The following CPZ variants were observed in gnomAD, a reference collection of about 807,000 sequenced individuals.
CPZ encodes VEZT/CPZ fusion.
In CPZ, 103 loss-of-function variants were observed where a neutral mutation model predicts 61.8. That is an observed-to-expected ratio of 1.67 (90% CI 1.42 to 1.96). The LOEUF is 1.96. Among genes scored for constraint, CPZ ranks in the 30% most tolerant of loss-of-function variants. CPZ has a pLI of 0.00. For missense variants in CPZ, 1,461 were observed against 914.9 expected, an observed-to-expected ratio of 1.60 and a Z score of -7.70; for synonymous variants, 551 against 373.7, an observed-to-expected ratio of 1.47 and a Z score of -5.47.
At chr4:8,592,943 AC>A (rs1560286486) in intron 1 of CPZ, 22 bp downstream of exon 1, 2 of 1,466,250 alleles carry the variant, frequency 1.4e-6, no homozygotes, top group East Asian at 2.5e-5. Context: ...CCCTGCCCCC[AC>A]CCTCCACCCT....
chr4:8,614,626 G>C, intron 9 of CPZ, 128 bp downstream of exon 9: 1 of 981,342 alleles, frequency 1.0e-6, no homozygotes, highest in Non-Finnish European at 1.5e-6. Flanking sequence ...GCCACCACTT[G>C]TTTTGGGGTT....
chr4:8,608,224 G>A (rs546148413), intron 7 of CPZ, among the ~76,000 whole-genome samples: 1 of 151,874 alleles, frequency 6.6e-6, no homozygotes, highest in African/African-American at 2.4e-5. Flanking sequence ...CCGGAGGCTG[G>A]GCCTGCCCTC....
intron 2 of CPZ, chr4:8,600,807 C>A: frequency 1.8e-6 from 1 of 554,272 alleles, no homozygotes; most frequent in Non-Finnish European, 2.5e-6. Flanking sequence ...CTGCCTAATG[C>A]AGCATCAGCT....
intron 9 of CPZ, among the ~76,000 whole-genome samples, chr4:8,616,144 C>T (rs1039941971): frequency 2.0e-5 from 3 of 152,230 alleles, no homozygotes; most frequent in Admixed American, 6.5e-5. Context: ...AGCTCGCTGG[C>T]TGGCTCTTGA....
chr4:8,619,002 A>G (rs1405896407), intron 10 of CPZ, among the ~76,000 whole-genome samples: 1 of 151,994 alleles, frequency 6.6e-6, no homozygotes, highest in South Asian at 2.1e-4. Flanking sequence ...GACTTTTGCT[A>G]ACTGTGGGGT....
intron 1 of CPZ, 64 bp from the exon 2 acceptor site, chr4:8,599,389 G>A (rs1714407434): frequency 6.5e-6 from 10 of 1,532,028 alleles, no homozygotes; most frequent in Admixed American, 1.9e-5. Flanking sequence ...CCCTGGCCGT[G>A]TGTTGCCCGG....
Position 8,604,106 on chromosome 4 carries a change from G to A in CPZ, c.627G>A (p.Arg209=), listed in dbSNP as rs767314674. 6.2e-7 allele frequency: 1 copy of A among 1,606,450 alleles called. No individual in the cohort carries two copies. The highest frequency in any genetic ancestry group is 8.5e-7 in the Non-Finnish European group (1 of 1,177,276). ...CCTCCCGCTGCGCCCACGTGGCCAGGACCTACAGCATCGGGCGCAGCTTCG... is the reference window on the plus strand; with the variant it reads ...CCTCCCGCTGCGCCCACGTGGCCAGAACCTACAGCATCGGGCGCAGCTTCG... The part of the protein sequence containing the change: ...RTASRCAHVA[R]TYSIGRSFDG... Residue 209 remains arginine, a synonymous_variant, in exon 4 of 11, where the codon AGG becomes AGA. Coordinates refer to ENST00000360986, the MANE Select transcript of CPZ (RefSeq NM_001014447.3).
chr4:8,606,860 G>T lies in CPZ; in HGVS notation c.1030G>T (p.Asp344Tyr), dbSNP rs886877058. The part of the protein sequence containing the change: ...RLAETRGARS[D>Y]HIPIPQHYWW... ...GGCGGAGACCCGCGGCGCACGCAGC[G>T]ACCACATCCCCATCCCCCAGCACTA... Residue 344 changes from aspartate (D) to tyrosine (Y), a missense_variant, in exon 6 of 11, where the codon GAC becomes TAC. Transcript: ENST00000360986. The T allele has an allele frequency of 1.2e-6, 2 of 1,613,150 alleles. No individual in the cohort carries two copies. Among genetic ancestry groups the T allele is most frequent in the Non-Finnish European group, 1.7e-6 (2 of 1,179,772 alleles).
intron 7 of CPZ, 26 bp downstream of exon 7, chr4:8,607,451 G>A: frequency 6.2e-7 from 1 of 1,611,024 alleles, no homozygotes. Flanking sequence ...GGTGTGTGCA[G>A]GGGAGGGAGA....
chr4:8,608,887 G>C (rs1454858500), intron 7 of CPZ, among the ~76,000 whole-genome samples: 1 of 152,202 alleles, frequency 6.6e-6, no homozygotes, highest in Non-Finnish European at 1.5e-5. Context: ...TGGCCCAGCA[G>C]GAATGGGGAG....
intron 4 of CPZ, among the ~76,000 whole-genome samples, chr4:8,605,766 ATTCT>A (rs1714941778): frequency 1.3e-5 from 2 of 152,198 alleles, no homozygotes; most frequent in African/African-American, 4.8e-5. Context: ...TATTATTCAT[ATTCT>A]TGAGTTATGC....
chr4:8,618,327 T>C (rs946008085), intron 9 of CPZ, 102 bp from the exon 10 acceptor site: 48 of 1,125,442 alleles, frequency 4.3e-5, no homozygotes, highest in Non-Finnish European at 6.0e-5. Context: ...TAGTTCCCCC[T>C]AGATACCAAG....
In CPZ at chr4:8,601,273, G is replaced by A. The variant is rs760618817; in HGVS notation, c.272G>A (p.Gly91Asp). Residue 91 changes from glycine (G) to aspartate (D), a missense_variant, in exon 3 of 11, where the codon GGC becomes GAC. By Grantham distance (94) the Gly-to-Asp change is moderately conservative. Coordinates refer to ENST00000360986, the MANE Select transcript of CPZ (RefSeq NM_001014447.3). ...AGCGTTCTACACCAGCTCCTGGAAG[G>A]CCAGTGCAACCCGGACCTGCGGCTG... is the stretch of plus-strand genomic sequence containing the variant. ...LLSVLHQLLE[G>D]QCNPDLRLLG... 6.2e-7 allele frequency: 1 copy of A among 1,613,588 alleles called. No individual in the cohort carries two copies. The highest frequency in any genetic ancestry group is 1.7e-5 in the Admixed American group (1 of 60,022).
chr4:8,593,172 C>T (rs1036226457), intron 1 of CPZ, among the ~76,000 whole-genome samples: 11 of 152,318 alleles, frequency 7.2e-5, no homozygotes, highest in African/African-American at 2.6e-4. Flanking sequence ...GGTCACCACG[C>T]CTGGGCCGGG....
intron 9 of CPZ, among the ~76,000 whole-genome samples, chr4:8,615,643 C>T (rs1334723374): frequency 6.6e-6 from 1 of 152,160 alleles, no homozygotes; most frequent in Non-Finnish European, 1.5e-5. Context: ...GGCCTGGGGT[C>T]TCTGGGCCAC....
intron 2 of CPZ, among the ~76,000 whole-genome samples, chr4:8,600,590 C>A (rs978537513): frequency 6.6e-6 from 1 of 152,234 alleles, no homozygotes; most frequent in African/African-American, 2.4e-5. Flanking sequence ...GGACCCTACC[C>A]TCTGCCTGGG....
chr4:8,609,044 C>CTCACTCACCCATTCAA (rs1269992788), intron 7 of CPZ, among the ~76,000 whole-genome samples: 1 of 135,766 alleles, frequency 7.4e-6, no homozygotes. Flanking sequence ...CACCCATTCA[C>CTCACTCACCCATTCAA]TCCCTCCCTC....
At chr4:8,611,087 TTCACTCACTCACTCAC>T (rs61069089) in intron 7 of CPZ, 2 of 390,226 alleles carry the variant, frequency 5.1e-6, no homozygotes, top group Admixed American at 2.7e-5. Context: ...CATTCGCTCA[TTCACTCACTCACTCAC>T]TCACTCACTG....
chr4:8,595,208 G>T (rs1476112580), intron 1 of CPZ, among the ~76,000 whole-genome samples: 3 of 152,216 alleles, frequency 2.0e-5, no homozygotes, highest in African/African-American at 7.2e-5. Flanking sequence ...CGCACACATT[G>T]GTTTGATCTT....
Sources: gnomAD v4.1 joint callset for allele counts (sites outside exome capture counted in the v4.1 genomes callset) on GRCh38, gnomAD v4.1.1 for gene constraint, MANE v1.5 for transcripts, NCBI Gene and HGNC (gene_info 2026-07-23, HGNC 2026-07-21) for gene names.